CLIP4: variants seen among roughly 807,000 people sequenced by gnomAD.
The protein encoded by CLIP4 is CAP-Gly domain containing linker protein family member 4, also known as CAP-Gly domain-containing linker protein 4.
A neutral mutation model predicts 73.1 loss-of-function variants in CLIP4; 47 were observed. The observed-to-expected ratio is 0.64, with a 90% confidence interval of 0.51 to 0.82. The LOEUF is 0.82. Ranked by LOEUF, CLIP4 falls within the 40% of genes least tolerant of loss-of-function variation. CLIP4 has a pLI of 0.00. For synonymous variants in CLIP4, 306 were observed against 295.4 expected, an observed-to-expected ratio of 1.04 and a Z score of -0.37; for missense variants, 874 against 852.9, an observed-to-expected ratio of 1.02 and a Z score of -0.31.
At chr2:29,133,401 CTTA>C (rs796401793) in intron 4 of CLIP4, among the ~76,000 whole-genome samples, 65 of 152,256 alleles carry the variant, frequency 4.3e-4, no homozygotes, top group African/African-American at 1.3e-3. Flanking sequence ...TAACCAATTT[CTTA>C]TTATACTTTT....
At chr2:29,161,633 T>C (rs796461565) in intron 12 of CLIP4, among the ~76,000 whole-genome samples, 12 of 152,312 alleles carry the variant, frequency 7.9e-5, no homozygotes, top group African/African-American at 2.9e-4. Context: ...CTTGAACTAT[T>C]ATTCCCTTAG....
At chr2:29,155,249 A>G (rs1666842208) in intron 9 of CLIP4, among the ~76,000 whole-genome samples, 1 of 152,186 alleles carries the variant, frequency 6.6e-6, no homozygotes, top group South Asian at 2.1e-4. Context: ...ATGGGCTATG[A>G]TTGTGCCACT....
rs1462195993 is a variant in CLIP4, at chr2:29,181,694, T to A, written c.1919T>A (p.Val640Asp). ...ACGAGCTCCAATGAGATGGGTACTG[T>A]TAGGTATGTGGGCCCCACTGACTTT... ...LLTSSNEMGT[V>D]RYVGPTDFAS... is the part of the protein sequence containing the mutation. The change falls in exon 16 of 16, where the codon GTT becomes GAT. Residue 640 changes from valine to aspartate, a missense_variant. By Grantham distance (152) the Val-to-Asp change is radical. Transcript: ENST00000320081. The A allele has an allele frequency of 5.6e-6, 9 of 1,613,898 alleles. No homozygotes were observed. The highest frequency in any genetic ancestry group is 1.3e-5 in the African/African-American group (1 of 74,864).
At chr2:29,166,811 G>C (rs1371092773) in intron 13 of CLIP4, among the ~76,000 whole-genome samples, 1 of 152,176 alleles carries the variant, frequency 6.6e-6, no homozygotes, top group African/African-American at 2.4e-5. Context: ...AATATTTCAA[G>C]AGTTGAAGGA....
rs1036212092 is a variant in CLIP4, at chr2:29,167,609, A to G, written c.1723+69A>G. 6.6e-6 allele frequency: 8 copies of G among 1,216,526 alleles called. No homozygotes were observed. The African/African-American group carries it at 9.2e-5, about 14-fold the overall frequency. 75.4% of individuals were successfully genotyped at this position (1,216,526 alleles called of 1,614,324 possible). Reference sequence around the variant, plus strand: ...TTTCATTTATTGAAAAATTTTTATTATGAGGTATTGTATACAAAAGGGTCT... The same window carrying G: ...TTTCATTTATTGAAAAATTTTTATTGTGAGGTATTGTATACAAAAGGGTCT... On this transcript the variant is annotated intron_variant, in intron 14 of 15. Coordinates refer to ENST00000320081, the MANE Select transcript of CLIP4 (RefSeq NM_024692.6).
chr2:29,163,807 T>G, intron 12 of CLIP4, 24 bp from the exon 13 acceptor site: 3 of 1,604,264 alleles, frequency 1.9e-6, no homozygotes, highest in Non-Finnish European at 2.6e-6. Context: ...CAGATGCTTT[T>G]GAAATGCAAT....
chr2:29,145,475 T>A (rs931034833), intron 8 of CLIP4, 108 bp downstream of exon 8: 2 of 896,588 alleles, frequency 2.2e-6, no homozygotes, highest in African/African-American at 3.4e-5. Flanking sequence ...ATGTGATAAA[T>A]GAGGGGCATG....
rs767638384 is a variant in CLIP4 at position 29,133,833 on chromosome 2, C to T, written c.529+17C>T. 1.6e-5 allele frequency: 26 copies of T among 1,583,040 alleles called. No individual in the cohort carries two copies. Among genetic ancestry groups the T allele is most frequent in the Non-Finnish European group, 2.2e-5 (26 of 1,164,514 alleles). Reference sequence around the variant, plus strand: ...AACCAAAAGGCAAGTATTATAAGATCACCTTTAGATATTATTAACTGAACA... The same window carrying T: ...AACCAAAAGGCAAGTATTATAAGATTACCTTTAGATATTATTAACTGAACA... On this transcript the variant is annotated intron_variant, in intron 5 of 15. Coordinates refer to ENST00000320081, the MANE Select transcript of CLIP4 (RefSeq NM_024692.6).
intron 8 of CLIP4, among the ~76,000 whole-genome samples, chr2:29,152,380 G>T (rs3100237): frequency 6.6e-6 from 1 of 151,500 alleles, no homozygotes; most frequent in Admixed American, 6.6e-5. Context: ...AAAAGTTACC[G>T]TAAAGGTTAA....
chr2:29,180,118 T>G (rs987383298), intron 15 of CLIP4, among the ~76,000 whole-genome samples: 8 of 152,136 alleles, frequency 5.3e-5, no homozygotes, highest in African/African-American at 1.9e-4. Flanking sequence ...TAGTAACAAG[T>G]TCTGTGTTGA....
At chr2:29,144,684 C>G (rs1215095894) in intron 7 of CLIP4, among the ~76,000 whole-genome samples, 2 of 152,008 alleles carry the variant, frequency 1.3e-5, no homozygotes, top group African/African-American at 2.4e-5. Flanking sequence ...TATCCCTCCC[C>G]TAGCCCTGTC....
At chr2:29,104,039 T>C (rs1248687730) in intron 1 of CLIP4, among the ~76,000 whole-genome samples, 2 of 152,040 alleles carry the variant, frequency 1.3e-5, no homozygotes, top group African/African-American at 4.8e-5. Context: ...GAGGCCCGCA[T>C]CCCAGGAACT....
intron 6 of CLIP4, among the ~76,000 whole-genome samples, chr2:29,139,369 C>T (rs1665601562): frequency 2.0e-5 from 3 of 152,032 alleles, no homozygotes; most frequent in Admixed American, 6.6e-5. Context: ...TTTTGGTATG[C>T]TGCTGAATTT....
exon 1 of CLIP4, chr2:29,097,879 G>A (rs1198136281): frequency 1.3e-5 from 2 of 152,224 alleles, no homozygotes; most frequent in African/African-American, 4.8e-5. Context: ...TACTCTTGGT[G>A]AGAAAGACCC....
chr2:29,152,891 A>G (rs1038416669), intron 9 of CLIP4, 63 bp downstream of exon 9: 24 of 1,558,674 alleles, frequency 1.5e-5, no homozygotes, highest in Admixed American at 1.9e-5. Context: ...TAGAATTCCT[A>G]ATATTTAGAT....
At chr2:29,121,610 C>T (rs1664253340) in intron 2 of CLIP4, 89 bp downstream of exon 2, 1 of 1,426,632 alleles carries the variant, frequency 7.0e-7, no homozygotes, top group Non-Finnish European at 9.5e-7. Flanking sequence ...TTTCTTAGAA[C>T]CATTTTTATG....
At position 29,147,114 on chromosome 2, in the gene CLIP4, A is replaced by G. The variant is rs563579965; in HGVS notation, c.1021+1747A>G. Among the ~76,000 whole-genome samples, 6 of 152,252 alleles carry G rather than the reference A, an allele frequency of 3.9e-5. No individual in the cohort carries two copies. The South Asian group carries it at 1.2e-3, about 32-fold the overall frequency. On this transcript the variant is annotated intron_variant, in intron 8 of 15. Transcript: ENST00000320081. ...CCCAAATCTTTACATATTGTTTGAA[A>G]ATTTGATTTTGAATAGCTCCATTTC...
chr2:29,105,803 G>C (rs1220111144), intron 1 of CLIP4, among the ~76,000 whole-genome samples: 1 of 152,184 alleles, frequency 6.6e-6, no homozygotes, highest in East Asian at 1.9e-4. Context: ...CTGAAAAATG[G>C]CTGTCTGTGA....
At position 29,156,303 on chromosome 2, in the gene CLIP4, T is replaced by C. The variant is rs113816253; in HGVS notation, c.1166-51T>C. 2.1e-3 allele frequency: 2,593 copies of C among 1,264,244 alleles called. 7 individuals carry two copies. Among genetic ancestry groups the C allele is most frequent in the Non-Finnish European group, 2.5e-3 (2,266 of 908,774 alleles). 78.3% of individuals were successfully genotyped at this position (1,264,244 alleles called of 1,614,324 possible). On this transcript the variant is annotated intron_variant, in intron 9 of 15. Transcript: ENST00000320081. ...TGCATGTACTTTAAAAAATACATTT[T>C]ATGTTTAATGTTAAAATTCTTGCTT... is the stretch of plus-strand genomic sequence containing the variant.
Sources: gnomAD v4.1 joint callset for allele counts (sites outside exome capture counted in the v4.1 genomes callset) on GRCh38, gnomAD v4.1.1 for gene constraint, MANE v1.5 for transcripts, NCBI Gene and HGNC (gene_info 2026-07-23, HGNC 2026-07-21) for gene names.